AKR1C3: variants seen among roughly 807,000 people sequenced by gnomAD.
AKR1C3 encodes the protein 3-alpha hydroxysteroid dehydrogenase, type II.
AKR1C3 carries 48 observed loss-of-function variants against 43.6 expected under a neutral mutation model. The observed-to-expected ratio is 1.10, with a 90% CI of 0.87 to 1.40. The LOEUF is 1.40. Ranked by LOEUF, AKR1C3 falls within the 40% of genes most tolerant of loss-of-function variation. AKR1C3 has a pLI of 0.00. For synonymous variants in AKR1C3, 162 were observed against 139.6 expected, an observed-to-expected ratio of 1.16 and a Z score of -1.13; for missense variants, 482 against 391.2, an observed-to-expected ratio of 1.23 and a Z score of -1.96.
At chr10:5,103,073 T>C (rs1419478649) in intron 7 of AKR1C3, among the ~76,000 whole-genome samples, 1 of 151,970 alleles carries the variant, frequency 6.6e-6, no homozygotes, top group East Asian at 1.9e-4. Context: ...TAATTTTTAA[T>C]AGAGAAGGTA....
intron 1 of AKR1C3, among the ~76,000 whole-genome samples, chr10:5,074,312 G>A (rs1838667264): frequency 6.6e-6 from 1 of 152,126 alleles, no homozygotes; most frequent in African/African-American, 2.4e-5. Context: ...TATTAACTGA[G>A]ACCTCTCTCA....
chr10:5,081,455 C>T (rs1838836550), intron 1 of AKR1C3, among the ~76,000 whole-genome samples: 2 of 152,136 alleles, frequency 1.3e-5, no homozygotes, highest in South Asian at 4.1e-4. Context: ...AAAAATATTC[C>T]TCCAAAATAA....
intron 1 of AKR1C3, among the ~76,000 whole-genome samples, chr10:5,063,135 T>C (rs1229235399): frequency 2.6e-5 from 4 of 152,182 alleles, no homozygotes; most frequent in Non-Finnish European, 5.9e-5. Context: ...TTTGGAATTG[T>C]ACTCTATTTT....
At chr10:5,098,232 C>G in intron 3 of AKR1C3, 1 of 954,776 alleles carries the variant, frequency 1.0e-6, no homozygotes, top group Non-Finnish European at 1.2e-6. Flanking sequence ...TATCATTTGT[C>G]TATTCTTATC....
At chr10:5,076,647 T>C (rs1285504528) in intron 1 of AKR1C3, among the ~76,000 whole-genome samples, 2 of 152,164 alleles carry the variant, frequency 1.3e-5, no homozygotes, top group African/African-American at 4.8e-5. Context: ...TATCACATGC[T>C]CTGTACTAAT....
At chr10:5,073,523 G>C (rs1296079698) in intron 1 of AKR1C3, among the ~76,000 whole-genome samples, 3 of 152,074 alleles carry the variant, frequency 2.0e-5, no homozygotes, top group African/African-American at 7.2e-5. Context: ...TACATCCACT[G>C]TCCTGAGCAC....
intron 1 of AKR1C3, among the ~76,000 whole-genome samples, chr10:5,055,038 T>G (rs1377634474): frequency 6.6e-6 from 1 of 152,262 alleles, no homozygotes; most frequent in Non-Finnish European, 1.5e-5. Flanking sequence ...ATAAGCATAC[T>G]TGCTATCTGT....
rs781959902 is a variant in AKR1C3 at position 5,097,414 on chromosome 10, C to A, written c.253-20C>A. The A allele has an allele frequency of 2.9e-5, 47 of 1,611,062 alleles. No individual in the cohort carries two copies. Among genetic ancestry groups the A allele is most frequent in the Admixed American group, 1.7e-4 (10 of 59,302 alleles). On this transcript the variant is annotated intron_variant, in intron 2 of 8. Coordinates refer to ENST00000380554, the MANE Select transcript of AKR1C3 (RefSeq NM_003739.6). ...CTCAAGCATTCATTCAAAATCACCT[C>A]CATTCTTTAACCTCTGCAGCTTTGG... is the stretch of plus-strand genomic sequence containing the variant.
intron 1 of AKR1C3, among the ~76,000 whole-genome samples, chr10:5,056,774 C>T (rs1051300200): frequency 6.6e-6 from 1 of 152,144 alleles, no homozygotes; most frequent in African/African-American, 2.4e-5. Context: ...TAATATATGC[C>T]TCCCTAATAA....
At chr10:5,068,773 G>T (rs2211627) in intron 1 of AKR1C3, among the ~76,000 whole-genome samples, 1 of 152,088 alleles carries the variant, frequency 6.6e-6, no homozygotes, top group African/African-American at 2.4e-5. Flanking sequence ...GGGAATGCTG[G>T]GAGCCTCCCA....
Position 5,102,444 on chromosome 10 carries a change from C to G in AKR1C3, c.681-41C>G, listed in dbSNP as rs782766350. On this transcript the variant is annotated intron_variant, in intron 6 of 8. Coordinates refer to ENST00000380554, the MANE Select transcript of AKR1C3 (RefSeq NM_003739.6). The stretch of plus-strand genomic sequence containing the variant: ...TTTAGGGAGCCGCCTAACAAACTAT[C>G]GCCAGCCTCAGGGCCTCAGCCTTTC... The G allele has an allele frequency of 2.8e-5, 38 of 1,359,184 alleles. No homozygotes were observed. In the African/African-American group the frequency reaches 5.3e-4, roughly 19 times the overall value. 84.2% of individuals were successfully genotyped at this position (1,359,184 alleles called of 1,614,324 possible). A position where few individuals can be genotyped will look rare whatever the true frequency, so the allele number is the denominator to read the frequency against.
At chr10:5,092,483 CTTT>C (rs35143522), upstream of AKR1C3, among the ~76,000 whole-genome samples, 99 of 134,320 alleles carry the variant, frequency 7.4e-4, no homozygotes, top group Admixed American at 9.6e-4. Flanking sequence ...TCTCTTTACT[CTTT>C]TTTTTTTTTT....
intron 4 of AKR1C3, 42 bp downstream of exon 4, chr10:5,098,921 A>G (rs782720727): frequency 6.6e-7 from 1 of 1,506,946 alleles, no homozygotes; most frequent in Non-Finnish European, 9.1e-7. Context: ...GATGACAAAA[A>G]GAGAAAATCT....
chr10:5,053,910 G>A (rs1008110092), intron 1 of AKR1C3, among the ~76,000 whole-genome samples: 10 of 152,132 alleles, frequency 6.6e-5, no homozygotes, highest in Non-Finnish European at 1.0e-4. Context: ...TGATTCTAGA[G>A]GAAACAAATT....
chr10:5,102,310 A>C, intron 6 of AKR1C3, 100 bp downstream of exon 6: 1 of 1,583,942 alleles, frequency 6.3e-7, no homozygotes, highest in Non-Finnish European at 8.6e-7. Flanking sequence ...CAAGTGGCTC[A>C]TGGAGAGGAA....
chr10:5,050,698 A>C (rs1838135897), intron 1 of AKR1C3, among the ~76,000 whole-genome samples: 1 of 152,238 alleles, frequency 6.6e-6, no homozygotes, highest in Admixed American at 6.5e-5. Flanking sequence ...CACCAATGAA[A>C]TATTTAAGGA....
chr10:5,089,145 T>C (rs1839032953), intron 1 of AKR1C3, among the ~76,000 whole-genome samples: 1 of 152,116 alleles, frequency 6.6e-6, no homozygotes, highest in Admixed American at 6.6e-5. Flanking sequence ...TTAGAGGTGA[T>C]TTGTAGCTTC....
chr10:5,052,638 G>A (rs544566479), intron 1 of AKR1C3, among the ~76,000 whole-genome samples: 6 of 152,018 alleles, frequency 3.9e-5, no homozygotes, highest in Middle Eastern at 3.4e-3. Flanking sequence ...GTGCTAATTG[G>A]TGTGTTTATA....
Position 5,068,703 on chromosome 10 carries a change from G to A in AKR1C3, c.84+19808G>A, listed in dbSNP as rs1013909450. On this transcript the variant is annotated intron_variant, in intron 1 of 8. Transcript: ENST00000439082. The stretch of plus-strand genomic sequence containing the variant: ...GCATGGCCAACTCCCCATGGAGAGG[G>A]GGTGGCAGGGACTCAGGGGGATCTT... Among the ~76,000 whole-genome samples, 5 of 152,180 alleles carry A rather than the reference G, an allele frequency of 3.3e-5. No homozygotes were observed. The South Asian group carries it at 8.3e-4, about 25-fold the overall frequency.
Sources: gnomAD v4.1 joint callset for allele counts (sites outside exome capture counted in the v4.1 genomes callset) on GRCh38, gnomAD v4.1.1 for gene constraint, MANE v1.5 for transcripts, NCBI Gene and HGNC (gene_info 2026-07-23, HGNC 2026-07-21) for gene names.